KDM5C: variants seen among roughly 807,000 people sequenced by gnomAD.
The protein encoded by KDM5C is lysine-specific demethylase 5C.
In KDM5C, 16 loss-of-function variants were observed where a neutral mutation model predicts 110.6. The observed-to-expected ratio is 0.14, with a 90% CI of 0.10 to 0.22. The LOEUF (loss-of-function observed/expected upper bound fraction) is 0.22, where lower values mean the gene tolerates loss of function less well. Among genes scored for constraint, KDM5C ranks in the 10% least tolerant of loss-of-function variants. The probability of loss-of-function intolerance (pLI) is 1.00; values close to 1 mark genes in which losing one functional copy is unlikely to be tolerated. For synonymous variants in KDM5C, 511 were observed against 520.4 expected, an observed-to-expected ratio of 0.98 and a Z score of 0.24; for missense variants, 681 against 1,300.9, an observed-to-expected ratio of 0.52 and a Z score of 7.33.
At position 53,214,811 on chromosome X, in the gene KDM5C, C is replaced by G; in HGVS notation, c.1000G>C (p.Asp334His). ...SYVCRMCSRG[D>H]EDDKLLLCDG... The stretch of plus-strand genomic sequence containing the variant: ...CACAGCAGGAGCTTGTCATCCTCAT[C>G]CCCTCGAGAACACATCCGGCAGACA... Residue 334 changes from aspartate (D) to histidine (H), a missense_variant, in exon 8 of 26, where the codon GAT (aspartate) becomes CAT (histidine). Asp to His is a moderately conservative substitution (Grantham distance 81, BLOSUM62 -1). Transcript: ENST00000375401. 8.3e-7 allele frequency: 1 copy of G among 1,211,871 alleles called. No individual in the cohort carries two copies. Among genetic ancestry groups the G allele is most frequent in the Non-Finnish European group, 1.1e-6 (1 of 895,513 alleles).
Position 53,192,469 on chromosome X carries a change from A to C in KDM5C, c.*498T>G. 1 of 261,720 alleles carries C rather than the reference A, an allele frequency of 3.8e-6. No individual in the cohort carries two copies. The highest frequency in any genetic ancestry group is 6.9e-6 in the Non-Finnish European group (1 of 145,708). The allele number at this position is 261,720 out of a possible 1,213,427, so 21.6% of individuals were successfully genotyped here. ...AAAATAAAAAACTGTGAGCACGGCT[A>C]TGTGAAGTTTCCTCCTCCTGGGTGG... On this transcript the variant is annotated 3_prime_UTR_variant, in exon 26 of 26. Transcript: ENST00000375401.
In KDM5C at chrX:53,192,867, C is replaced by CCCCCCCCCCCCCCCCCCCCCCA; in HGVS notation, c.*99_*100insTGGGGGGGGGGGGGGGGGGGGG. ...GCGGGTAGCAGGGATGGCCACCCCC[C>CCCCCCCCCCCCCCCCCCCCCCA]TACCCGCCCACCCCCCAAGAAGCAG... On this transcript the variant is annotated 3_prime_UTR_variant, in exon 26 of 26. Transcript: ENST00000375401. 1 of 821,406 alleles carries CCCCCCCCCCCCCCCCCCCCCCA rather than the reference C, an allele frequency of 1.2e-6. No homozygotes were observed. Among genetic ancestry groups the CCCCCCCCCCCCCCCCCCCCCCA allele is most frequent in the Non-Finnish European group, 1.6e-6 (1 of 612,588 alleles). The allele number at this position is 821,406 out of a possible 1,213,427, so 67.7% of individuals were successfully genotyped here. A position where few individuals can be genotyped will look rare whatever the true frequency, so the allele number is the denominator to read the frequency against.
chrX:53,209,406 A>G (rs1359945789), intron 12 of KDM5C, among the ~76,000 whole-genome samples: 1 of 111,521 alleles, frequency 9.0e-6, no homozygotes, highest in Non-Finnish European at 1.9e-5. Context: ...TAATAAAAAA[A>G]TATTACTCAT....
At chrX:53,187,600 T>C (rs183673829), downstream of KDM5C, among the ~76,000 whole-genome samples, 1 of 110,856 alleles carries the variant, frequency 9.0e-6, no homozygotes, top group Non-Finnish European at 1.9e-5. Context: ...GACAGATAAC[T>C]TGCCTCTTAA....
rs2146812832 is a variant in KDM5C at position 53,193,232 on chromosome X, G to A, written c.4418C>T (p.Ala1473Val). 1 of 1,209,361 alleles carries A rather than the reference G, an allele frequency of 8.3e-7. No individual in the cohort carries two copies. Among genetic ancestry groups the A allele is most frequent in the Non-Finnish European group, 1.1e-6 (1 of 895,251 alleles). ...VDRGGEGDDP[A>V]REELEPKRVR... Reference sequence around the variant, plus strand: ...CCTCTTTGGCTCTAGCTCCTCTCGGGCTGGGTCATCGCCCTCCCCACCCCG... The same window carrying A: ...CCTCTTTGGCTCTAGCTCCTCTCGGACTGGGTCATCGCCCTCCCCACCCCG... Residue 1473 changes from alanine (A) to valine (V), a missense_variant, in exon 26 of 26, where the codon GCC becomes GTC. Coordinates refer to ENST00000375401, the MANE Select transcript of KDM5C (RefSeq NM_004187.5).
rs981705371 is a variant in KDM5C, at chrX:53,217,352, C to T, written c.523-75G>A. ...AAGCAATAACTTCCCTCTACCCTCA[C>T]CCAATGGCATCCAAAGCTGTGGTCC... On this transcript the variant is annotated intron_variant, in intron 4 of 25. Coordinates refer to ENST00000375401, the MANE Select transcript of KDM5C (RefSeq NM_004187.5). The T allele has an allele frequency of 5.6e-5, 64 of 1,136,780 alleles. No homozygotes were observed. In the African/African-American group the frequency reaches 1.0e-3, roughly 18 times the overall value. The allele number at this position is 1,136,780 out of a possible 1,213,427, so 93.7% of individuals were successfully genotyped here.
chrX:53,225,029 G>C lies in KDM5C; in HGVS notation c.-140C>G. 1.4e-6 allele frequency: 1 copy of C among 715,598 alleles called. No homozygotes were observed. The highest frequency in any genetic ancestry group is 2.0e-6 in the Non-Finnish European group (1 of 503,155). 59.0% of individuals were successfully genotyped at this position (715,598 alleles called of 1,213,427 possible). On this transcript the variant is annotated 5_prime_UTR_variant, in exon 1 of 26. Coordinates refer to ENST00000375401, the MANE Select transcript of KDM5C (RefSeq NM_004187.5). ...CAGCCGCCGCCCGCCGAGGGCCTAA[G>C]GGGGCGTGTGGCCGTCGTGCTCTGA... is the stretch of plus-strand genomic sequence containing the variant.
intron 8 of KDM5C, among the ~76,000 whole-genome samples, chrX:53,213,357 G>A (rs1178706574): frequency 3.6e-5 from 4 of 111,988 alleles, no homozygotes; most frequent in Non-Finnish European, 7.5e-5. Flanking sequence ...CCTCATCTGT[G>A]TATGTCTGTC....
In KDM5C at chrX:53,192,914, T is replaced by G. The variant is rs1556831867; in HGVS notation, c.*53A>C. 2 of 825,465 alleles carry G rather than the reference T, an allele frequency of 2.4e-6. No homozygotes were observed. Among genetic ancestry groups the G allele is most frequent in the Non-Finnish European group, 3.1e-6 (2 of 638,520 alleles). 68.0% of individuals were successfully genotyped at this position (825,465 alleles called of 1,213,427 possible). A position where few individuals can be genotyped will look rare whatever the true frequency, so the allele number is the denominator to read the frequency against. On this transcript the variant is annotated 3_prime_UTR_variant, in exon 26 of 26. Coordinates refer to ENST00000375401, the MANE Select transcript of KDM5C (RefSeq NM_004187.5). ...GCAGGCTTGATGGTCAGAAAGAGGA[T>G]CCTTGAGGCCGAGGGGGGTCTCTGT...
chrX:53,214,954 C>G (rs1262103078), intron 7 of KDM5C, 107 bp from the exon 8 acceptor site: 1 of 845,922 alleles, frequency 1.2e-6, no homozygotes, highest in Non-Finnish European at 1.7e-6. Flanking sequence ...TGGAGCTCAA[C>G]TGCACGTATG....
chrX:53,193,548 G>A lies in KDM5C; in HGVS notation c.4206C>T (p.Leu1402=). 3 of 1,211,948 alleles carry A rather than the reference G, an allele frequency of 2.5e-6. No individual in the cohort carries two copies. The highest frequency in any genetic ancestry group is 3.4e-6 in the Non-Finnish European group (3 of 895,491). Residue 1402 remains leucine (L), a synonymous_variant, in exon 25 of 26, where the codon CTC becomes CTT. Transcript: ENST00000375401. ...CCTCGAGCAGGTCCCCCTCCATCAT[G>A]AGCTCCTCCAAGGGGGCCCGGGTTG... ...PEATRAPLEE[L]MMEGDLLEVT...
chrX:53,204,331 T>C (rs937719130), intron 12 of KDM5C, among the ~76,000 whole-genome samples: 2 of 102,015 alleles, frequency 2.0e-5, no homozygotes, highest in Non-Finnish European at 3.9e-5. Flanking sequence ...GCTGGGAACC[T>C]CAGCATCCAG....
chrX:53,217,473 A>G (rs782128637), intron 4 of KDM5C, among the ~76,000 whole-genome samples, 196 bp from the exon 5 acceptor site: 1 of 109,794 alleles, frequency 9.1e-6, no homozygotes, highest in African/African-American at 3.3e-5. Context: ...TGCTTGTATC[A>G]CTCCTCCCTT....
At chrX:53,189,450 C>T (rs1306995657), downstream of KDM5C, among the ~76,000 whole-genome samples, 1 of 112,611 alleles carries the variant, frequency 8.9e-6, no homozygotes, top group Non-Finnish European at 1.9e-5. Flanking sequence ...GCTGAGCACC[C>T]AGGTGGAGGT....
In KDM5C at chrX:53,192,594, C is replaced by T; in HGVS notation, c.*373G>A. On this transcript the variant is annotated 3_prime_UTR_variant, in exon 26 of 26. Coordinates refer to ENST00000375401, the MANE Select transcript of KDM5C (RefSeq NM_004187.5). The stretch of plus-strand genomic sequence containing the variant: ...TAGTGTAGCATGGCCTGGCCAGGAC[C>T]AGAACTGGGGAGAGAAGGGAGGAGA... 2 of 572,688 alleles carry T rather than the reference C, an allele frequency of 3.5e-6. No individual in the cohort carries two copies. The highest frequency in any genetic ancestry group is 5.6e-6 in the Non-Finnish European group (2 of 355,955). 47.2% of individuals were successfully genotyped at this position (572,688 alleles called of 1,213,427 possible).
intron 22 of KDM5C, 33 bp downstream of exon 22, chrX:53,194,898 G>T: frequency 8.3e-7 from 1 of 1,208,331 alleles, no homozygotes; most frequent in South Asian, 1.8e-5. Flanking sequence ...TCATCACCAA[G>T]CCCTTCTCCC....
intron 14 of KDM5C, among the ~76,000 whole-genome samples, chrX:53,199,944 T>G (rs2073091484): frequency 9.0e-6 from 1 of 111,631 alleles, no homozygotes; most frequent in Non-Finnish European, 1.9e-5. Flanking sequence ...CTCTGCCACT[T>G]ATATGCTGTG....
rs782684495 is a variant in KDM5C at position 53,198,751 on chromosome X, C to A, written c.2368+13G>T. The A allele has an allele frequency of 3.3e-6, 4 of 1,212,235 alleles. No homozygotes were observed. Among genetic ancestry groups the A allele is most frequent in the Non-Finnish European group, 4.5e-6 (4 of 895,576 alleles). On this transcript the variant is annotated intron_variant, in intron 16 of 25. Transcript: ENST00000375401. ...CTTGCCTGTGGAGTCCCTCCATCCCCCCCATCACTCACTGCGCTTCCGCCC... is the reference window on the plus strand; with the variant it reads ...CTTGCCTGTGGAGTCCCTCCATCCCACCCATCACTCACTGCGCTTCCGCCC...
intron 25 of KDM5C, among the ~76,000 whole-genome samples, chrX:53,179,184 A>C (rs2146782023): frequency 9.1e-6 from 1 of 109,699 alleles, no homozygotes; most frequent in East Asian, 2.9e-4. Context: ...CAGTGAGCCA[A>C]GATCGTGCCA....
Sources: allele counts gnomAD v4.1 joint callset (sites outside exome capture counted in the v4.1 genomes callset), GRCh38; gene constraint gnomAD v4.1.1; transcripts MANE v1.5; gene names NCBI Gene and HGNC (gene_info 2026-07-23, HGNC 2026-07-21).